NT5M: variants seen among roughly 807,000 people sequenced by gnomAD.
The protein encoded by NT5M is 5'(3')-deoxyribonucleotidase, mitochondrial.
NT5M carries 22 observed loss-of-function variants against 22.2 expected under a neutral mutation model. The observed-to-expected ratio is 0.99, with a 90% CI of 0.71 to 1.41. The LOEUF (loss-of-function observed/expected upper bound fraction) is 1.41. NT5M is among the 40% of genes most tolerant of loss of function. The pLI is 0.00. For synonymous variants in NT5M, 167 were observed against 133.0 expected (o/e 1.26, Z -1.76); for missense variants, 322 against 314.8 (o/e 1.02, Z -0.17).
intron 2 of NT5M, among the ~76,000 whole-genome samples, chr17:17,315,913 G>A (rs1278868772): frequency 1.3e-5 from 2 of 151,706 alleles, no homozygotes; most frequent in African/African-American, 2.4e-5. Context: ...CACCACGCCC[G>A]GCTAATTTTT....
intron 3 of NT5M, among the ~76,000 whole-genome samples, chr17:17,341,072 C>T (rs1390288074): frequency 1.3e-5 from 2 of 152,026 alleles, no homozygotes; most frequent in African/African-American, 4.8e-5. Flanking sequence ...TCTTCATTGA[C>T]CCACTTCATT....
At chr17:17,346,765 G>T in intron 4 of NT5M, 40 bp from the exon 5 acceptor site, 2 of 1,602,934 alleles carry the variant, frequency 1.2e-6, no homozygotes. Flanking sequence ...TGCGCTCCAG[G>T]TCTCCACTGC....
At chr17:17,333,956 C>T (rs544248136) in intron 3 of NT5M, among the ~76,000 whole-genome samples, 1 of 152,094 alleles carries the variant, frequency 6.6e-6, no homozygotes, top group East Asian at 1.9e-4. Flanking sequence ...GCCTCAGCCT[C>T]CCGAGTAGCT....
At chr17:17,317,049 G>GTT (rs1351062225) in intron 2 of NT5M, among the ~76,000 whole-genome samples, 9 of 81,726 alleles carry the variant, frequency 1.1e-4, no homozygotes, top group African/African-American at 3.0e-4. Context: ...TTTTGTTTTT[G>GTT]TTTTTGTTTT....
At chr17:17,331,554 A>G (rs1188499235) in intron 3 of NT5M, among the ~76,000 whole-genome samples, 2 of 151,642 alleles carry the variant, frequency 1.3e-5, no homozygotes, top group Non-Finnish European at 2.9e-5. Context: ...TCATCATTGT[A>G]ATAGGGATTG....
At chr17:17,323,528 C>T (rs181759980) in intron 3 of NT5M, among the ~76,000 whole-genome samples, 5 of 152,196 alleles carry the variant, frequency 3.3e-5, no homozygotes, top group Non-Finnish European at 5.9e-5. Context: ...CCTGAAGGCA[C>T]GTGGATGCAT....
At chr17:17,339,744 T>C (rs2049599393) in intron 3 of NT5M, among the ~76,000 whole-genome samples, 1 of 152,234 alleles carries the variant, frequency 6.6e-6, no homozygotes, top group Non-Finnish European at 1.5e-5. Flanking sequence ...CATATGTTTT[T>C]TGTCCTTCAT....
chr17:17,322,166 AAGGGACAGT>A (rs2049164741), intron 2 of NT5M, among the ~76,000 whole-genome samples: 1 of 152,126 alleles, frequency 6.6e-6, no homozygotes, highest in African/African-American at 2.4e-5. Flanking sequence ...TGAGGTGCAT[AAGGGACAGT>A]AACTGGCAAT....
chr17:17,321,297 C>T (rs1272750914), intron 2 of NT5M, among the ~76,000 whole-genome samples: 1 of 151,630 alleles, frequency 6.6e-6, no homozygotes, highest in Non-Finnish European at 1.5e-5. Context: ...GGTTCCAGCA[C>T]ACGTTTGAAT....
intron 2 of NT5M, among the ~76,000 whole-genome samples, chr17:17,309,088 AT>A (rs2048870093): frequency 6.7e-6 from 1 of 149,232 alleles, no homozygotes; most frequent in Non-Finnish European, 1.5e-5. Flanking sequence ...TCGTGTAAAT[AT>A]TTGTTTGAAT....
At chr17:17,345,034 G>A (rs924421266) in intron 4 of NT5M, 126 bp downstream of exon 4, 34 of 1,395,964 alleles carry the variant, frequency 2.4e-5, no homozygotes, top group Non-Finnish European at 3.1e-5. Flanking sequence ...CAGGCACTGA[G>A]CCCCTCCCCT....
At chr17:17,321,033 C>G (rs1038614483) in intron 2 of NT5M, among the ~76,000 whole-genome samples, 1 of 151,984 alleles carries the variant, frequency 6.6e-6, no homozygotes, top group Admixed American at 6.6e-5. Context: ...GGCAGCTTGT[C>G]GGGGACATTC....
chr17:17,308,369 G>A (rs1391046892), intron 2 of NT5M, among the ~76,000 whole-genome samples: 6 of 152,080 alleles, frequency 3.9e-5, no homozygotes, highest in South Asian at 2.1e-4. Context: ...CGAGGCGGGC[G>A]GATCAAGAGG....
chr17:17,310,531 A>G (rs139764686), intron 2 of NT5M, among the ~76,000 whole-genome samples: 7 of 152,328 alleles, frequency 4.6e-5, no homozygotes, highest in African/African-American at 1.2e-4. Flanking sequence ...AGAATGTCCA[A>G]TAAGCACATA....
intron 3 of NT5M, among the ~76,000 whole-genome samples, chr17:17,340,358 G>GACCCAA (rs2049611559): frequency 1.3e-5 from 2 of 151,622 alleles, no homozygotes; most frequent in Admixed American, 1.3e-4. Context: ...TATTTATTTG[G>GACCCAA]GTCTTCTCTC....
chr17:17,323,391 C>T, intron 3 of NT5M, 146 bp downstream of exon 3: 2 of 726,408 alleles, frequency 2.8e-6, no homozygotes, highest in South Asian at 3.0e-5. Flanking sequence ...CCAAGGACCT[C>T]TCCAGCCTGA....
Position 17,325,397 on chromosome 17 carries a change from C to T in NT5M, c.429+2152C>T, listed in dbSNP as rs1339257743. Reference sequence around the variant, plus strand: ...GCATGGCAGTGCTGTCTGGTGGCCTCAGGTCGGAAATCAGGGGCCGTGCTG... The same window carrying T: ...GCATGGCAGTGCTGTCTGGTGGCCTTAGGTCGGAAATCAGGGGCCGTGCTG... On this transcript the variant is annotated intron_variant, in intron 3 of 4. Transcript: ENST00000389022. Among the ~76,000 whole-genome samples the T allele has an allele frequency of 2.0e-5, 3 of 152,116 alleles. No homozygotes were observed. In the East Asian group the frequency reaches 5.8e-4, roughly 29 times the overall value.
chr17:17,336,292 G>A (rs528019548), intron 3 of NT5M, among the ~76,000 whole-genome samples: 18 of 151,870 alleles, frequency 1.2e-4, no homozygotes, highest in African/African-American at 2.9e-4. Flanking sequence ...ATGAGCCACC[G>A]CGCCCAGCCT....
At chr17:17,325,291 G>A (rs554365517) in intron 3 of NT5M, among the ~76,000 whole-genome samples, 26 of 152,176 alleles carry the variant, frequency 1.7e-4, no homozygotes, top group Admixed American at 2.6e-4. Context: ...TCCCACCTGC[G>A]TTGCCTCGGC....
Sources: gnomAD v4.1 joint callset for allele counts (sites outside exome capture counted in the v4.1 genomes callset) on GRCh38, gnomAD v4.1.1 for gene constraint, MANE v1.5 for transcripts, NCBI Gene and HGNC (gene_info 2026-07-23, HGNC 2026-07-21) for gene names.